BCL9: variants seen among roughly 807,000 people sequenced by gnomAD.
BCL9 encodes BCL9 transcription coactivator.
A neutral mutation model predicts 88.5 loss-of-function variants in BCL9; 25 were observed. That is an observed-to-expected ratio of 0.28 (90% CI 0.21 to 0.39). The LOEUF (loss-of-function observed/expected upper bound fraction) is 0.39, where lower values mean the gene tolerates loss of function less well. BCL9 is among the 10% of genes least tolerant of loss of function. The probability of loss-of-function intolerance (pLI) is 1.00; values close to 1 mark genes in which losing one functional copy is unlikely to be tolerated. For synonymous variants in BCL9, 711 were observed against 673.3 expected (o/e 1.06, Z -0.87); for missense variants, 1,817 against 1,877.8 (o/e 0.97, Z 0.60).
intron 1 of BCL9, among the ~76,000 whole-genome samples, chr1:147,559,759 G>A (rs781784194): frequency 2.6e-5 from 4 of 152,222 alleles, no homozygotes; most frequent in Admixed American, 1.3e-4. Context: ...TAAATACCTC[G>A]TTCCTCTCTA....
intron 1 of BCL9, among the ~76,000 whole-genome samples, chr1:147,564,058 C>T (rs1184327594): frequency 6.6e-6 from 1 of 152,172 alleles, no homozygotes; most frequent in Non-Finnish European, 1.5e-5. Flanking sequence ...GGAATCTTCA[C>T]TTCCTTCGAA....
intron 1 of BCL9, among the ~76,000 whole-genome samples, chr1:147,595,775 A>C (rs1310241060): frequency 6.6e-6 from 1 of 152,208 alleles, no homozygotes; most frequent in Admixed American, 6.5e-5. Flanking sequence ...AAGAACTGGT[A>C]TGAAGGTCAA....
Position 147,620,520 on chromosome 1 carries a change from C to T in BCL9, c.2365C>T (p.Gln789Ter). Reference sequence around the variant, plus strand: ...CCCCAGACCATTCCTTCCCATGTCTCAGGGTCCAGGCAGCAACAGTGGCTT... The same window carrying T: ...CCCCAGACCATTCCTTCCCATGTCTTAGGGTCCAGGCAGCAACAGTGGCTT... Reference protein sequence around the residue: ...MGPRPFLPMSQGPGSNSGLRN... With the variant: ...MGPRPFLPMS The change falls in exon 8 of 10, where the codon CAG becomes TAG. Residue 789 changes from glutamine (Q) to a stop codon, truncating the protein, a stop_gained. Coordinates refer to ENST00000234739, the MANE Select transcript of BCL9 (RefSeq NM_004326.4). LOFTEE classifies it high-confidence loss of function. 6.2e-7 allele frequency: 1 copy of T among 1,614,190 alleles called. No individual in the cohort carries two copies.
At chr1:147,567,062 A>G (rs1553196807) in intron 1 of BCL9, among the ~76,000 whole-genome samples, 1 of 152,220 alleles carries the variant, frequency 6.6e-6, no homozygotes, top group Admixed American at 6.5e-5. Flanking sequence ...TAAGGAGTTC[A>G]TTCCAATACT....
chr1:147,601,876 GTATTT>G (rs1227494383), intron 1 of BCL9, among the ~76,000 whole-genome samples: 3 of 152,072 alleles, frequency 2.0e-5, no homozygotes, highest in South Asian at 2.1e-4. Context: ...AAGAGAAATT[GTATTT>G]TATTTTATTT....
intron 1 of BCL9, among the ~76,000 whole-genome samples, chr1:147,599,299 T>G (rs1657201064): frequency 6.6e-6 from 1 of 151,614 alleles, no homozygotes; most frequent in African/African-American, 2.4e-5. Context: ...GACTCAGAGG[T>G]GGAGAGAAGG....
rs782232562 is a variant in BCL9 at position 147,624,094 on chromosome 1, A to G, written c.3416A>G (p.Gln1139Arg). 1 of 1,608,828 alleles carries G rather than the reference A, an allele frequency of 6.2e-7. No homozygotes were observed. Among genetic ancestry groups the G allele is most frequent in the East Asian group, 2.2e-5 (1 of 44,810 alleles). ...MVPQGRMGFP[Q>R]GFPPVQSPPQ... ...CCTCAAGGACGGATGGGCTTCCCCC[A>G]GGGCTTCCCTCCAGTACAGTCTCCC... The change falls in exon 10 of 10, where the codon CAG (glutamine) becomes CGG (arginine). Residue 1139 changes from glutamine (Q) to arginine (R), a missense_variant. Around this residue, in one of 2 missense-constraint regions of BCL9, gnomAD observed 589 missense variants for 686.2 expected, o/e 0.86. Coordinates refer to ENST00000234739, the MANE Select transcript of BCL9 (RefSeq NM_004326.4). The surrounding 1 kb of genome is among the most constrained non-coding windows in gnomAD (Gnocchi z 4.4).
At position 147,619,425 on chromosome 1, in the gene BCL9, A is replaced by G; in HGVS notation, c.1270A>G (p.Thr424Ala). Residue 424 changes from threonine to alanine, a missense_variant, in exon 8 of 10, where the codon ACA becomes GCA. Physicochemically the swap from Thr to Ala is moderately conservative, Grantham distance 58 (BLOSUM62 0). Transcript: ENST00000234739. The surrounding 1 kb of genome is among the most constrained non-coding windows in gnomAD (Gnocchi z 4.1). ...CCTAGGTAAGGGACCTGGGCCCCGG[A>G]CAGACGTGGGAGCTCCATTTGGCCC... is the stretch of plus-strand genomic sequence containing the variant. ...QSLGKGPGPR[T>A]DVGAPFGPQG... 6.2e-7 allele frequency: 1 copy of G among 1,614,080 alleles called. No individual in the cohort carries two copies. Among genetic ancestry groups the G allele is most frequent in the Non-Finnish European group, 8.5e-7 (1 of 1,180,012 alleles).
chr1:147,620,056 A>G lies in BCL9; in HGVS notation c.1901A>G (p.Gln634Arg). ...PQGLSEEMFQQQLAEKQLGLP... is the reference protein window; with the variant it reads ...PQGLSEEMFQRQLAEKQLGLP... ...GGATTGTCTGAAGAGATGTTTCAGC[A>G]GCAGCTGGCAGAGAAACAGCTGGGT... is the stretch of plus-strand genomic sequence containing the variant. The change falls in exon 8 of 10, where the codon CAG becomes CGG. Residue 634 changes from glutamine to arginine, a missense_variant. Gln to Arg is a conservative substitution (Grantham distance 43). Around this residue, in one of 2 missense-constraint regions of BCL9, gnomAD observed 1,228 missense variants for 1,191.6 expected, o/e 1.03. Coordinates refer to ENST00000234739, the MANE Select transcript of BCL9 (RefSeq NM_004326.4). 1 of 1,614,194 alleles carries G rather than the reference A, an allele frequency of 6.2e-7. No homozygotes were observed. Among genetic ancestry groups the G allele is most frequent in the South Asian group, 1.1e-5 (1 of 91,088 alleles).
intron 2 of BCL9, among the ~76,000 whole-genome samples, chr1:147,606,070 C>CCTTGCCACT: frequency 6.6e-6 from 1 of 152,256 alleles, no homozygotes; most frequent in African/African-American, 2.4e-5. Context: ...CTTGCTTCTC[C>CCTTGCCACT]CTTGCCACTT....
intron 3 of BCL9, among the ~76,000 whole-genome samples, chr1:147,611,023 G>C (rs985299134): frequency 6.6e-6 from 1 of 152,106 alleles, no homozygotes; most frequent in Admixed American, 6.5e-5. Context: ...TTTGATGTTG[G>C]TTCAATATTT....
At chr1:147,569,933 GA>G (rs1171395631) in intron 1 of BCL9, among the ~76,000 whole-genome samples, 35 of 151,584 alleles carry the variant, frequency 2.3e-4, no homozygotes, top group African/African-American at 2.7e-4. Context: ...TTTCTGAAGG[GA>G]AAAAAAAGGA....
intron 1 of BCL9, among the ~76,000 whole-genome samples, chr1:147,555,512 G>C (rs1345581395): frequency 1.3e-5 from 2 of 152,220 alleles, no homozygotes; most frequent in Non-Finnish European, 2.9e-5. Flanking sequence ...TAACGATTTA[G>C]TTGAACAAGT....
chr1:147,620,751 C>A lies in BCL9; in HGVS notation c.2596C>A (p.Pro866Thr), dbSNP rs1553205150. Residue 866 changes from proline (P) to threonine (T), a missense_variant, in exon 8 of 10, where the codon CCC becomes ACC. Transcript: ENST00000234739. ...CCCAGGCATTAACCCTCTGAAGTCT[C>A]CCACGATGCACCAAGTCCAGTCACC... The part of the protein sequence containing the change: ...HSPGINPLKS[P>T]TMHQVQSPML... 1 of 1,613,968 alleles carries A rather than the reference C, an allele frequency of 6.2e-7. No homozygotes were observed. The highest frequency in any genetic ancestry group is 2.2e-5 in the East Asian group (1 of 44,898).
In BCL9 at chr1:147,612,597, C is replaced by T. The variant is rs587662486; in HGVS notation, c.54-286C>T. Among the ~76,000 whole-genome samples, 45 of 152,294 alleles carry T rather than the reference C, an allele frequency of 3.0e-4. 1 individual carries two copies. The highest frequency in any genetic ancestry group is 1.1e-3 in the African/African-American group (45 of 41,556). On this transcript the variant is annotated intron_variant, in intron 4 of 9. Coordinates refer to ENST00000234739, the MANE Select transcript of BCL9 (RefSeq NM_004326.4). ...AGTGTAAGAGTCACCTCTCTATGTA[C>T]ATAGAAACCGTTGTCCTTTATTGAC...
At chr1:147,622,150 A>G in intron 8 of BCL9, 121 bp from the exon 9 acceptor site, 3 of 1,351,352 alleles carry the variant, frequency 2.2e-6, no homozygotes, top group East Asian at 2.3e-5. Flanking sequence ...CTGGGATCTA[A>G]TAACACTGTC....
intron 1 of BCL9, among the ~76,000 whole-genome samples, chr1:147,593,102 A>C (rs941300210): frequency 6.6e-6 from 1 of 152,190 alleles, no homozygotes; most frequent in Non-Finnish European, 1.5e-5. Flanking sequence ...ACAGCAAGCA[A>C]GGTGCTGTCC....
chr1:147,556,632 A>G (rs782299778), intron 1 of BCL9, among the ~76,000 whole-genome samples: 2 of 151,574 alleles, frequency 1.3e-5, no homozygotes, highest in Non-Finnish European at 2.9e-5. Flanking sequence ...ATGTTTTTGT[A>G]GAGACAGGGT....
intron 1 of BCL9, among the ~76,000 whole-genome samples, chr1:147,546,100 G>A (rs1654572976): frequency 6.6e-6 from 1 of 152,114 alleles, no homozygotes; most frequent in Non-Finnish European, 1.5e-5. Flanking sequence ...ACTTTGGGAG[G>A]CCGAGGCGGG....
Sources: allele counts gnomAD v4.1 joint callset (sites outside exome capture counted in the v4.1 genomes callset), GRCh38; gene constraint gnomAD v4.1.1; regional missense constraint gnomAD v4.1.1; non-coding constraint Gnocchi (gnomAD v3.1); transcripts MANE v1.5; gene names NCBI Gene and HGNC (gene_info 2026-07-23, HGNC 2026-07-21).